ITPR1: variants seen among roughly 807,000 people sequenced by gnomAD.
ITPR1 encodes inositol 1,4,5-trisphosphate receptor type 1.
A neutral mutation model predicts 318.4 loss-of-function variants in ITPR1; 96 were observed. The ratio of observed to expected loss-of-function variants is 0.30; its 90% CI spans 0.26 to 0.36. The LOEUF is 0.36. Ranked by LOEUF, ITPR1 falls within the 10% of genes least tolerant of loss-of-function variation. The pLI is 1.00. For missense variants in ITPR1, 2,440 were observed against 3,460.2 expected, an observed-to-expected ratio of 0.71 and a Z score of 7.40; for synonymous variants, 1,312 against 1,289.9, an observed-to-expected ratio of 1.02 and a Z score of -0.37.
At chr3:4,725,803 G>A (rs927862642) in intron 41 of ITPR1, among the ~76,000 whole-genome samples, 1 of 152,166 alleles carries the variant, frequency 6.6e-6, no homozygotes, top group Non-Finnish European at 1.5e-5. Flanking sequence ...CATCCTCCAG[G>A]TGCCAGGACA....
At chr3:4,724,415 A>ATTCAT (rs2042367400) in intron 40 of ITPR1, 1 of 152,240 alleles carries the variant, frequency 6.6e-6, no homozygotes. Flanking sequence ...TCGTAGTGTC[A>ATTCAT]CTCATCTCAT....
At chr3:4,803,251 A>G (rs967024464) in intron 54 of ITPR1, among the ~76,000 whole-genome samples, 2 of 152,306 alleles carry the variant, frequency 1.3e-5, no homozygotes, top group Admixed American at 6.5e-5. Context: ...CCCACCTCTG[A>G]CACTGGAGAT....
At chr3:4,672,524 A>C (rs1367033672) in intron 20 of ITPR1, among the ~76,000 whole-genome samples, 4 of 152,230 alleles carry the variant, frequency 2.6e-5, no homozygotes, top group African/African-American at 9.6e-5. Flanking sequence ...TGTTTGATGA[A>C]TCTTCTCCCA....
At chr3:4,631,514 A>G (rs2093014905) in intron 5 of ITPR1, among the ~76,000 whole-genome samples, 1 of 152,066 alleles carries the variant, frequency 6.6e-6, no homozygotes, top group African/African-American at 2.4e-5. Flanking sequence ...TCTTTTAAAG[A>G]ATTTTAAAAT....
At chr3:4,721,248 TG>T (rs1209508510) in intron 40 of ITPR1, among the ~76,000 whole-genome samples, 1 of 149,054 alleles carries the variant, frequency 6.7e-6, no homozygotes, top group Non-Finnish European at 1.5e-5. Context: ...TTGTATAATT[TG>T]GTCATGTCAG....
At chr3:4,742,600 G>A (rs2043790966) in intron 44 of ITPR1, among the ~76,000 whole-genome samples, 2 of 152,142 alleles carry the variant, frequency 1.3e-5, no homozygotes, top group Non-Finnish European at 2.9e-5. Context: ...AAGATCTCAA[G>A]ATGATGTGGT....
chr3:4,845,880 G>GT (rs1035208966), intron 61 of ITPR1, among the ~76,000 whole-genome samples: 1 of 152,142 alleles, frequency 6.6e-6, no homozygotes, highest in Non-Finnish European at 1.5e-5. Flanking sequence ...TGCTTTTATT[G>GT]TTTTTTGTTT....
intron 3 of ITPR1, among the ~76,000 whole-genome samples, chr3:4,519,535 G>T (rs2124924275): frequency 6.6e-6 from 1 of 152,314 alleles, no homozygotes; most frequent in Non-Finnish European, 1.5e-5. Context: ...ATGGCTTGAT[G>T]ATTTATTAAC....
chr3:4,668,087 T>G (rs542487482), intron 18 of ITPR1, among the ~76,000 whole-genome samples: 5 of 152,304 alleles, frequency 3.3e-5, no homozygotes, highest in African/African-American at 1.2e-4. Context: ...TCTATTCTTT[T>G]AGTTATTTTA....
chr3:4,586,717 C>G (rs1182605623), intron 4 of ITPR1, among the ~76,000 whole-genome samples: 1 of 144,016 alleles, frequency 6.9e-6, no homozygotes, highest in Admixed American at 6.8e-5. Context: ...CTGTGTTGCC[C>G]AGGCTGGATT....
chr3:4,814,353 A>C (rs2049142607), intron 57 of ITPR1, 70 bp from the exon 58 acceptor site: 9 of 1,509,622 alleles, frequency 6.0e-6, no homozygotes, highest in Non-Finnish European at 7.4e-6. Context: ...TTCAGGAAAC[A>C]GGATTTCAAA....
In ITPR1 at chr3:4,754,210, A is replaced by G. The variant is rs145330027; in HGVS notation, c.5545-12320A>G. Among the ~76,000 whole-genome samples, 13 of 152,140 alleles carry G rather than the reference A, an allele frequency of 8.5e-5. No individual in the cohort carries two copies. In the East Asian group the frequency reaches 2.3e-3, roughly 27 times the overall value. On this transcript the variant is annotated intron_variant, in intron 44 of 61. Coordinates refer to ENST00000649015, the MANE Select transcript of ITPR1 (RefSeq NM_001378452.1). ...AAGACCTGGGGAGTTGTTTCCAGAGATCGACTCCCCTGACCCTGCAACTCC... is the reference window on the plus strand; with the variant it reads ...AAGACCTGGGGAGTTGTTTCCAGAGGTCGACTCCCCTGACCCTGCAACTCC...
chr3:4,793,859 G>T (rs1047818870), intron 52 of ITPR1, among the ~76,000 whole-genome samples: 2 of 152,186 alleles, frequency 1.3e-5, no homozygotes, highest in Non-Finnish European at 2.9e-5. Flanking sequence ...GTTACCAAGT[G>T]CAAACATGAT....
At position 4,506,654 on chromosome 3, in the gene ITPR1, A is replaced by T. The variant is rs989274252; in HGVS notation, c.-16-9822A>T. Among the ~76,000 whole-genome samples, 8 of 152,312 alleles carry T rather than the reference A, an allele frequency of 5.3e-5. No individual in the cohort carries two copies. The South Asian group carries it at 1.7e-3, about 32-fold the overall frequency. On this transcript the variant is annotated intron_variant, in intron 2 of 61. Transcript: ENST00000649015. ...GATCTGTATCCCCAGTACCTAGTAT[A>T]GGGGTGGCATATAGTAGGTATCAAT...
At chr3:4,761,488 C>T (rs554611418) in intron 44 of ITPR1, among the ~76,000 whole-genome samples, 117 of 152,310 alleles carry the variant, frequency 7.7e-4, no homozygotes, top group Middle Eastern at 3.4e-3. Context: ...ATATGTACCA[C>T]GTTTTCTTTA....
intron 4 of ITPR1, among the ~76,000 whole-genome samples, chr3:4,563,965 A>G (rs9834340): frequency 0.81 from 122,149 of 151,120 alleles, 49,469 homozygotes; most frequent in Non-Finnish European, 0.83. Flanking sequence ...TTTTTGAGAC[A>G]GAATCTCACC....
At chr3:4,696,944 C>A (rs2094568620) in intron 33 of ITPR1, among the ~76,000 whole-genome samples, 1 of 152,098 alleles carries the variant, frequency 6.6e-6, no homozygotes, top group Non-Finnish European at 1.5e-5. Context: ...ACCTTGAGAT[C>A]ATGAAAATAT....
intron 4 of ITPR1, among the ~76,000 whole-genome samples, chr3:4,597,907 C>T (rs2090972925): frequency 6.6e-6 from 1 of 152,176 alleles, no homozygotes; most frequent in African/African-American, 2.4e-5. Flanking sequence ...TTGCAAACAT[C>T]TGTGGAGACC....
At chr3:4,813,600 G>A (rs943772241) in intron 57 of ITPR1, among the ~76,000 whole-genome samples, 11 of 152,092 alleles carry the variant, frequency 7.2e-5, no homozygotes, top group African/African-American at 2.2e-4. Context: ...TGGGCTAAGC[G>A]TATCATCAAG....
Sources: allele counts gnomAD v4.1 joint callset (sites outside exome capture counted in the v4.1 genomes callset), GRCh38; gene constraint gnomAD v4.1.1; transcripts MANE v1.5; gene names NCBI Gene and HGNC (gene_info 2026-07-23, HGNC 2026-07-21).